IL1RAPL2: variants seen among roughly 807,000 people sequenced by gnomAD.
The protein encoded by IL1RAPL2 is interleukin 1 receptor accessory protein like 2.
Under a neutral mutation model 44.1 loss-of-function variants are expected in IL1RAPL2, and 3 were observed. The ratio of observed to expected loss-of-function variants is 0.07; its 90% CI spans 0.03 to 0.18. IL1RAPL2 has a LOEUF of 0.18. IL1RAPL2 is among the 10% of genes least tolerant of loss of function. The probability of loss-of-function intolerance (pLI) is 1.00; values close to 1 mark genes in which losing one functional copy is unlikely to be tolerated. For missense variants in IL1RAPL2, 391 were observed against 496.4 expected (o/e 0.79, Z 2.02); for synonymous variants, 181 against 178.8 (o/e 1.01, Z -0.10).
intron 2 of IL1RAPL2, among the ~76,000 whole-genome samples, chrX:105,194,604 A>G (rs2033658929): frequency 9.0e-6 from 1 of 111,721 alleles, no homozygotes; most frequent in Admixed American, 9.6e-5. Flanking sequence ...TGACAGTAAT[A>G]TAATATATTC....
chrX:104,786,933 CTCTCTCTCTCTCTCTCTCT>C (rs1932801789), intron 2 of IL1RAPL2, among the ~76,000 whole-genome samples: 1 of 33,604 alleles, frequency 3.0e-5, no homozygotes, highest in Admixed American at 2.9e-4. Context: ...CTCTCTCTCT[CTCTCTCTCTCTCTCTCTCT>C]CTCTCTCTCT....
At chrX:105,427,886 G>A (rs1359987934) in intron 5 of IL1RAPL2, among the ~76,000 whole-genome samples, 1 of 111,535 alleles carries the variant, frequency 9.0e-6, no homozygotes, top group Admixed American at 9.6e-5. Flanking sequence ...AAAATAATAT[G>A]TATACAATTC....
intron 2 of IL1RAPL2, among the ~76,000 whole-genome samples, chrX:105,050,255 A>G (rs759304070): frequency 8.9e-6 from 1 of 112,163 alleles, no homozygotes; most frequent in South Asian, 3.7e-4. Flanking sequence ...CTAAGGAGTA[A>G]AAAGTATGCT....
At chrX:104,672,229 A>G (rs1930621662) in intron 2 of IL1RAPL2, among the ~76,000 whole-genome samples, 1 of 111,349 alleles carries the variant, frequency 9.0e-6, no homozygotes, top group Admixed American at 9.5e-5. Context: ...AGCGTTAGGT[A>G]TAACTCCCAA....
In IL1RAPL2 at chrX:105,514,389, A is replaced by C. The variant is rs189014454; in HGVS notation, c.772+30002A>C. On this transcript the variant is annotated intron_variant, in intron 6 of 10. Transcript: ENST00000372582. ...CCTGCTGAATCTTCAGCAAGTTGCCACATCCTTCTGTGTCTTAGTTTATAC... is the reference window on the plus strand; with the variant it reads ...CCTGCTGAATCTTCAGCAAGTTGCCCCATCCTTCTGTGTCTTAGTTTATAC... Among the ~76,000 whole-genome samples the C allele has an allele frequency of 3.9e-3, 436 of 112,318 alleles. 2 individuals are homozygous for C. Among genetic ancestry groups the C allele is most frequent in the Non-Finnish European group, 6.8e-3 (360 of 53,200 alleles).
At chrX:104,898,977 T>C (rs1923736629) in intron 2 of IL1RAPL2, among the ~76,000 whole-genome samples, 1 of 111,886 alleles carries the variant, frequency 8.9e-6, no homozygotes, top group South Asian at 3.7e-4. Flanking sequence ...TTCCCTCCAG[T>C]GGGAGTATAG....
At chrX:105,207,575 G>A (rs2033774123) in intron 3 of IL1RAPL2, among the ~76,000 whole-genome samples, 2 of 111,400 alleles carry the variant, frequency 1.8e-5, no homozygotes, top group African/African-American at 3.3e-5. Context: ...ACTCTTCCTG[G>A]AATGCATCCC....
chrX:105,226,585 TAGAGAC>T (rs2147631467), intron 3 of IL1RAPL2, among the ~76,000 whole-genome samples: 1 of 107,746 alleles, frequency 9.3e-6, no homozygotes, highest in African/African-American at 3.4e-5. Flanking sequence ...GTATTTTTAG[TAGAGAC>T]AGAGTTTTGT....
chrX:105,064,561 G>C (rs181781988), intron 2 of IL1RAPL2, among the ~76,000 whole-genome samples: 1 of 112,061 alleles, frequency 8.9e-6, no homozygotes, highest in East Asian at 2.8e-4. Context: ...TACTCAAAAT[G>C]TAACCACTAA....
intron 6 of IL1RAPL2, among the ~76,000 whole-genome samples, chrX:105,508,324 A>C (rs924558845): frequency 9.0e-6 from 1 of 111,615 alleles, no homozygotes; most frequent in African/African-American, 3.3e-5. Flanking sequence ...TTAAGAGATC[A>C]TATTGCTAAA....
intron 10 of IL1RAPL2, chrX:105,765,249 A>G (rs2038720141): frequency 8.9e-6 from 1 of 112,231 alleles, no homozygotes; most frequent in South Asian, 3.7e-4. Flanking sequence ...AAAGAAAGGA[A>G]GAAAATGAAG....
At chrX:105,239,460 G>A (rs1212221500) in intron 4 of IL1RAPL2, among the ~76,000 whole-genome samples, 2 of 111,462 alleles carry the variant, frequency 1.8e-5, no homozygotes, top group Admixed American at 1.9e-4. Context: ...ATTAAAAGGA[G>A]TGAACCAACA....
chrX:104,718,199 G>C (rs1602695398), intron 2 of IL1RAPL2, among the ~76,000 whole-genome samples: 2 of 110,838 alleles, frequency 1.8e-5, no homozygotes, highest in South Asian at 7.7e-4. Flanking sequence ...CACAATGGTT[G>C]AACTAGTTTA....
intron 2 of IL1RAPL2, among the ~76,000 whole-genome samples, chrX:104,679,165 C>G (rs1328552584): frequency 9.0e-6 from 1 of 111,003 alleles, no homozygotes; most frequent in Non-Finnish European, 1.9e-5. Context: ...GTACTTTTGT[C>G]CCTTCCTTTT....
intron 5 of IL1RAPL2, among the ~76,000 whole-genome samples, chrX:105,370,472 T>A (rs934507753): frequency 5.4e-5 from 6 of 111,768 alleles, no homozygotes; most frequent in African/African-American, 1.9e-4. Flanking sequence ...TGAGAACATG[T>A]GGTATTTGGT....
At chrX:104,786,325 A>G (rs1244008755) in intron 2 of IL1RAPL2, among the ~76,000 whole-genome samples, 1 of 111,521 alleles carries the variant, frequency 9.0e-6, no homozygotes, top group Non-Finnish European at 1.9e-5. Context: ...TCCTTCCTCA[A>G]TCTGTATCTG....
chrX:104,815,513 T>C (rs760197461), intron 2 of IL1RAPL2, among the ~76,000 whole-genome samples: 12 of 111,709 alleles, frequency 1.1e-4, no homozygotes, highest in Admixed American at 6.7e-4. Flanking sequence ...TGAAAGCCAA[T>C]GACCTTCTGA....
At chrX:104,968,749 A>G (rs906575922) in intron 2 of IL1RAPL2, among the ~76,000 whole-genome samples, 4 of 111,365 alleles carry the variant, frequency 3.6e-5, no homozygotes, top group African/African-American at 1.3e-4. Context: ...AACCGCGTAT[A>G]ATTGCAAGAA....
chrX:105,413,186 T>C (rs912822209), intron 5 of IL1RAPL2, among the ~76,000 whole-genome samples: 1 of 112,093 alleles, frequency 8.9e-6, no homozygotes, highest in African/African-American at 3.2e-5. Flanking sequence ...TTTTAAAACA[T>C]TGTGCTAATG....
Sources: allele counts gnomAD v4.1 joint callset (sites outside exome capture counted in the v4.1 genomes callset), GRCh38; gene constraint gnomAD v4.1.1; transcripts MANE v1.5; gene names NCBI Gene and HGNC (gene_info 2026-07-23, HGNC 2026-07-21).